Variants in PTPRF observed in about 807,000 individuals in gnomAD.
PTPRF encodes protein tyrosine phosphatase receptor type F, also known as receptor-type tyrosine-protein phosphatase F.
Under a neutral mutation model 201.8 loss-of-function variants are expected in PTPRF, and 59 were observed. The ratio of observed to expected loss-of-function variants is 0.29; its 90% CI spans 0.24 to 0.36. The LOEUF is 0.36. Among genes scored for constraint, PTPRF ranks in the 10% least tolerant of loss-of-function variants. PTPRF has a pLI of 1.00. For missense variants in PTPRF, 2,132 were observed against 2,690.5 expected (o/e 0.79, Z 4.59); for synonymous variants, 1,088 against 1,089.7 (o/e 1.00, Z 0.03).
At position 43,621,993 on chromosome 1, in the gene PTPRF, A is replaced by G. The variant is rs145316280; in HGVS notation, c.5714A>G (p.Tyr1905Cys). 6 of 1,613,914 alleles carry G rather than the reference A, an allele frequency of 3.7e-6. No homozygotes were observed. Among genetic ancestry groups the G allele is most frequent in the East Asian group, 2.2e-5 (1 of 44,884 alleles). Residue 1905 changes from tyrosine (Y) to cysteine (C), a missense_variant, in exon 34 of 34, where the codon TAT (tyrosine) becomes TGT (cysteine). Tyr to Cys is a radical substitution (Grantham distance 194). This residue lies in a region of PTPRF where 519 missense variants were observed against 659.5 expected (regional missense o/e 0.79). Transcript: ENST00000359947. ...ALEYLGSFDH[Y>C]AT The stretch of plus-strand genomic sequence containing the variant: ...GAGTACCTCGGCAGCTTTGACCACT[A>G]TGCAACGTAACTACCGCTCCCCTCT...
At chr1:43,614,320 G>A (rs1657201672) in intron 23 of PTPRF, among the ~76,000 whole-genome samples, 1 of 152,338 alleles carries the variant, frequency 6.6e-6, no homozygotes, top group Non-Finnish European at 1.5e-5. Context: ...TGTGTACTCC[G>A]ATGCCACAGC....
chr1:43,605,943 T>C (rs1161869948), intron 19 of PTPRF, among the ~76,000 whole-genome samples: 2 of 152,200 alleles, frequency 1.3e-5, no homozygotes, highest in Admixed American at 1.3e-4. Context: ...TAGTGAGCCT[T>C]ATAGCCAGGA....
intron 3 of PTPRF, among the ~76,000 whole-genome samples, chr1:43,547,457 G>A (rs1644752414): frequency 6.6e-6 from 1 of 152,220 alleles, no homozygotes; most frequent in South Asian, 2.1e-4. Flanking sequence ...TGACCGAGCC[G>A]CAGGAGCCAG....
intron 2 of PTPRF, among the ~76,000 whole-genome samples, chr1:43,543,284 G>A (rs1423811014): frequency 1.3e-5 from 2 of 152,240 alleles, no homozygotes; most frequent in Non-Finnish European, 2.9e-5. Flanking sequence ...CTCAGGCAGG[G>A]CCTTGGTGAT....
chr1:43,604,238 G>A (rs371089879), intron 16 of PTPRF, 49 bp downstream of exon 16: 3 of 1,575,314 alleles, frequency 1.9e-6, no homozygotes, highest in Non-Finnish European at 2.6e-6. Flanking sequence ...CTGCATCTGG[G>A]GGTCTCTGCT....
chr1:43,613,522 CAT>C, intron 22 of PTPRF, 94 bp from the exon 23 acceptor site: 2 of 992,272 alleles, frequency 2.0e-6, no homozygotes, highest in Admixed American at 3.5e-5. Context: ...CATGGTCACA[CAT>C]GTTCACATGT....
At chr1:43,548,548 A>G (rs1053669359) in intron 3 of PTPRF, among the ~76,000 whole-genome samples, 4 of 151,930 alleles carry the variant, frequency 2.6e-5, no homozygotes, top group East Asian at 1.9e-4. Context: ...CTGTTTTCCT[A>G]TTGCACAATG....
At chr1:43,583,018 C>G (rs945293795) in intron 7 of PTPRF, 2 of 957,098 alleles carry the variant, frequency 2.1e-6, no homozygotes, top group Non-Finnish European at 2.5e-6. Flanking sequence ...TTCTCCTTGT[C>G]TTTTTTTTAT....
In PTPRF at chr1:43,603,607, T is replaced by C. The variant is rs753483781; in HGVS notation, c.2459-4T>C. 1 of 1,612,586 alleles carries C rather than the reference T, an allele frequency of 6.2e-7. No individual in the cohort carries two copies. Among genetic ancestry groups the C allele is most frequent in the South Asian group, 1.1e-5 (1 of 91,062 alleles). ...GCGCCAGAGCCCAGCCCGTGGTCCTTCAGTCCCAGGCCGGCCCACCATGAT... is the reference window on the plus strand; with the variant it reads ...GCGCCAGAGCCCAGCCCGTGGTCCTCCAGTCCCAGGCCGGCCCACCATGAT... On this transcript the variant is annotated splice_polypyrimidine_tract_variant and splice_region_variant and intron_variant, in intron 15 of 33. Coordinates refer to ENST00000359947, the MANE Select transcript of PTPRF (RefSeq NM_002840.5). The surrounding 1 kb of genome is among the most constrained non-coding windows in gnomAD (Gnocchi z 5.8).
chr1:43,616,916 C>T (rs572897784), intron 23 of PTPRF, among the ~76,000 whole-genome samples: 1 of 152,172 alleles, frequency 6.6e-6, no homozygotes, highest in East Asian at 1.9e-4. Context: ...CTGCGTCCTG[C>T]CCACGGGAAG....
At chr1:43,532,434 G>C (rs1643667184) in intron 1 of PTPRF, among the ~76,000 whole-genome samples, 1 of 152,226 alleles carries the variant, frequency 6.6e-6, no homozygotes, top group African/African-American at 2.4e-5. Context: ...GGTTGAGGAA[G>C]GCTCCACTTT....
intron 2 of PTPRF, among the ~76,000 whole-genome samples, chr1:43,538,601 T>G (rs548261029): frequency 6.6e-6 from 1 of 151,792 alleles, no homozygotes; most frequent in East Asian, 1.9e-4. Context: ...ATGATAGAGG[T>G]GGATGGGGAA....
chr1:43,621,413 T>C (rs1399601797), intron 33 of PTPRF, among the ~76,000 whole-genome samples, 181 bp downstream of exon 33: 1 of 152,182 alleles, frequency 6.6e-6, no homozygotes, highest in Middle Eastern at 3.2e-3. Context: ...GAGGTTGATG[T>C]GGGAGAATCA....
upstream of PTPRF, among the ~76,000 whole-genome samples, chr1:43,529,085 G>A (rs1464511553): frequency 6.6e-6 from 1 of 152,118 alleles, no homozygotes; most frequent in Non-Finnish European, 1.5e-5. Context: ...TTTAAAATTT[G>A]GGGGCCGAGA....
chr1:43,571,840 G>T (rs1275106788), intron 6 of PTPRF, among the ~76,000 whole-genome samples: 1 of 152,234 alleles, frequency 6.6e-6, no homozygotes, highest in Non-Finnish European at 1.5e-5. Context: ...GTCTCATCGG[G>T]TCCTGGCTAC....
At chr1:43,611,072 A>T (rs1347492420) in intron 22 of PTPRF, among the ~76,000 whole-genome samples, 1 of 152,216 alleles carries the variant, frequency 6.6e-6, no homozygotes, top group Non-Finnish European at 1.5e-5. Context: ...TCTTTCATCC[A>T]TGTGACTGGT....
chr1:43,611,994 C>T (rs539970916), intron 22 of PTPRF, among the ~76,000 whole-genome samples: 84 of 152,126 alleles, frequency 5.5e-4, no homozygotes, highest in Middle Eastern at 3.4e-3. Flanking sequence ...AGAAGGAGAC[C>T]GGGACCAAAA....
At position 43,591,877 on chromosome 1, in the gene PTPRF, C is replaced by T; in HGVS notation, c.1597C>T (p.Leu533=). The T allele has an allele frequency of 6.2e-7, 1 of 1,613,480 alleles. No homozygotes were observed. Among genetic ancestry groups the T allele is most frequent in the Non-Finnish European group, 8.5e-7 (1 of 1,180,022 alleles). The change falls in exon 10 of 34, where the codon CTG becomes TTG. Residue 533 remains leucine, a synonymous_variant. Coordinates refer to ENST00000359947, the MANE Select transcript of PTPRF (RefSeq NM_002840.5). ...ESDTRIQLSW[L]LPPQERIIMY... ...GGACACCAGGATCCAGCTCTCGTGG[C>T]TGCTGCCCCCTCAGGAGCGGATCAT...
At chr1:43,536,940 G>A (rs931222505) in intron 1 of PTPRF, among the ~76,000 whole-genome samples, 61 of 152,326 alleles carry the variant, frequency 4.0e-4, no homozygotes, top group African/African-American at 1.3e-3. Context: ...CAGGTGCAGA[G>A]GTGTGTCCTT....
Sources: allele counts gnomAD v4.1 joint callset (sites outside exome capture counted in the v4.1 genomes callset), GRCh38; gene constraint gnomAD v4.1.1; regional missense constraint gnomAD v4.1.1; non-coding constraint Gnocchi (gnomAD v3.1); transcripts MANE v1.5; gene names NCBI Gene and HGNC (gene_info 2026-07-23, HGNC 2026-07-21).